DUT: variants seen among roughly 807,000 people sequenced by gnomAD.
DUT encodes the protein deoxyuridine triphosphatase.
In DUT, 21 loss-of-function variants were observed where a neutral mutation model predicts 28.8. The observed-to-expected ratio is 0.73, with a 90% CI of 0.52 to 1.05. DUT has a LOEUF of 1.05. DUT is among the 50% of genes least tolerant of loss of function. DUT has a pLI of 0.00. For missense variants in DUT, 344 were observed against 351.8 expected (o/e 0.98, Z 0.18); for synonymous variants, 147 against 143.7 (o/e 1.02, Z -0.17).
chr15:48,336,923 T>A (rs574033266), intron 4 of DUT, among the ~76,000 whole-genome samples: 1 of 152,340 alleles, frequency 6.6e-6, no homozygotes, highest in Admixed American at 6.5e-5. Flanking sequence ...GATTCCAGCC[T>A]CCTTGTTCTT....
Position 48,342,114 on chromosome 15 carries a change from CT to C in DUT, c.*41del. 7.1e-7 allele frequency: 1 copy of C among 1,405,982 alleles called. No homozygotes were observed. Among genetic ancestry groups the C allele is most frequent in the Non-Finnish European group, 9.5e-7 (1 of 1,053,810 alleles). The allele number at this position is 1,405,982 out of a possible 1,614,324, so 87.1% of individuals were successfully genotyped here. On this transcript the variant is annotated 3_prime_UTR_variant, in exon 7 of 7. Transcript: ENST00000331200. ...AAGAACAGAAAACAAGAAGTCATACCTTTTTCTTAAAAAAAAAAAAAAAGTT... is the reference window on the plus strand; with the variant it reads ...AAGAACAGAAAACAAGAAGTCATACCTTTTCTTAAAAAAAAAAAAAAAGTT...
chr15:48,341,989 A>T (rs1307843324), intron 6 of DUT, 33 bp from the exon 7 acceptor site: 4 of 1,543,528 alleles, frequency 2.6e-6, no homozygotes, highest in Non-Finnish European at 3.5e-6. Flanking sequence ...TCTTAAAAAA[A>T]ACTGTGAAGC....
chr15:48,332,283 C>T lies in DUT; in HGVS notation c.296C>T (p.Ser99Leu). ...TGCTCTGAAGAGACACCCGCCATTT[C>T]ACCCAGTAAGCGGGCCCGGCCTGCG... ...PAPGPETPAI[S>L]PSKRARPAEV... Residue 99 changes from serine to leucine, a missense_variant, in exon 2 of 7, where the codon TCA becomes TTA. By Grantham distance (145) the Ser-to-Leu change is moderately radical (BLOSUM62 -2). Coordinates refer to ENST00000331200, the MANE Select transcript of DUT (RefSeq NM_001025248.2). 6.2e-7 allele frequency: 1 copy of T among 1,609,068 alleles called. No individual in the cohort carries two copies. Among genetic ancestry groups the T allele is most frequent in the Non-Finnish European group, 8.5e-7 (1 of 1,178,514 alleles).
intron 2 of DUT, among the ~76,000 whole-genome samples, chr15:48,333,803 C>T (rs1295016754): frequency 6.6e-6 from 1 of 152,214 alleles, no homozygotes; most frequent in East Asian, 1.9e-4. Context: ...CTACCAAGCC[C>T]TGCCTGACAG....
Position 48,332,386 on chromosome 15 carries a change from C to A in DUT, c.399C>A (p.Ala133=), listed in dbSNP as rs2042427992. The change falls in exon 2 of 7, where the codon GCC becomes GCA. Residue 133 remains alanine, a synonymous_variant. Transcript: ENST00000331200. The stretch of plus-strand genomic sequence containing the variant: ...CCCCCACCCGGGGCTCCGCGCGCGC[C>A]GCGGGCTACGACCTGTACAGGTGAG... ...ATAPTRGSAR[A]AGYDLYSAYD... The A allele has an allele frequency of 6.3e-7, 1 of 1,580,112 alleles. No individual in the cohort carries two copies. The highest frequency in any genetic ancestry group is 8.6e-7 in the Non-Finnish European group (1 of 1,166,110).
intron 4 of DUT, among the ~76,000 whole-genome samples, chr15:48,339,716 A>G (rs555402714): frequency 6.6e-6 from 1 of 152,262 alleles, no homozygotes; most frequent in African/African-American, 2.4e-5. Context: ...CCGACAGGAG[A>G]TGAACTGCCT....
intron 4 of DUT, among the ~76,000 whole-genome samples, chr15:48,339,562 A>T (rs983294638): frequency 6.6e-6 from 1 of 152,178 alleles, no homozygotes; most frequent in Non-Finnish European, 1.5e-5. Context: ...TATAGATAAT[A>T]TGGAAAACAG....
At position 48,341,338 on chromosome 15, in the gene DUT, T is replaced by C. The variant is rs2042531409; in HGVS notation, c.606T>C (p.Phe202=). ...DYRGNVGVVL[F]NFGKEKFEVK... ...GAGGAAATGTTGGTGTTGTACTGTT[T>C]AATTTTGGCAAAGAAAAGTTTGAAG... Residue 202 remains phenylalanine, a synonymous_variant, in exon 5 of 7, where the codon TTT becomes TTC. Transcript: ENST00000331200. 1.2e-6 allele frequency: 2 copies of C among 1,611,400 alleles called. No homozygotes were observed. Among genetic ancestry groups the C allele is most frequent in the Non-Finnish European group, 8.5e-7 (1 of 1,178,242 alleles).
At position 48,334,529 on chromosome 15, in the gene DUT, G is replaced by A. The variant is rs565876267; in HGVS notation, c.511+21G>A. 4.7e-5 allele frequency: 72 copies of A among 1,530,136 alleles called. 1 individual carries two copies. In the South Asian group the frequency reaches 7.7e-4, roughly 16 times the overall value. The allele number at this position is 1,530,136 out of a possible 1,614,324, so 94.8% of individuals were successfully genotyped here. ...AGTGGGTAAGTCATTTAAGAAACAG[G>A]TAACTATTTGTCAAGTTCTCCTTTG... On this transcript the variant is annotated intron_variant, in intron 3 of 6. Coordinates refer to ENST00000331200, the MANE Select transcript of DUT (RefSeq NM_001025248.2).
At chr15:48,332,172 T>G in intron 1 of DUT, 96 bp from the exon 2 acceptor site, 1 of 1,458,704 alleles carries the variant, frequency 6.9e-7, no homozygotes, top group Non-Finnish European at 9.0e-7. Flanking sequence ...ATTTCGGTTT[T>G]GGCGCGCTCC....
At chr15:48,335,856 A>G (rs1424451839) in intron 3 of DUT, among the ~76,000 whole-genome samples, 190 bp from the exon 4 acceptor site, 2 of 152,194 alleles carry the variant, frequency 1.3e-5, no homozygotes, top group Admixed American at 1.3e-4. Flanking sequence ...AATTTTTCTA[A>G]ACTAGTCTTT....
At position 48,332,371 on chromosome 15, in the gene DUT, G is replaced by C. The variant is rs890852653; in HGVS notation, c.384G>C (p.Arg128=). 6.9e-6 allele frequency: 11 copies of C among 1,590,988 alleles called. No homozygotes were observed. In the African/African-American group the frequency reaches 1.5e-4, roughly 22 times the overall value. Residue 128 remains arginine (R), a synonymous_variant, in exon 2 of 7, where the codon CGG becomes CGC. Transcript: ENST00000331200. The part of the protein sequence containing the change: ...RLSEHATAPT[R]GSARAAGYDL... ...CCGAGCACGCCACGGCCCCCACCCG[G>C]GGCTCCGCGCGCGCCGCGGGCTACG... is the stretch of plus-strand genomic sequence containing the variant.
At chr15:48,333,469 T>G (rs2042441470) in intron 2 of DUT, among the ~76,000 whole-genome samples, 1 of 152,210 alleles carries the variant, frequency 6.6e-6, no homozygotes, top group Non-Finnish European at 1.5e-5. Context: ...ACAGGTGACT[T>G]TCTGTATACT....
At chr15:48,336,151 G>GT (rs1380394971) in intron 4 of DUT, 61 bp downstream of exon 4, 1 of 1,359,260 alleles carries the variant, frequency 7.4e-7, no homozygotes, top group Non-Finnish European at 1.0e-6. Context: ...TCTTTAAAAG[G>GT]TAATATTCAA....
At chr15:48,335,955 T>C in intron 3 of DUT, 91 bp from the exon 4 acceptor site, 1 of 950,416 alleles carries the variant, frequency 1.1e-6, no homozygotes, top group Non-Finnish European at 1.6e-6. Context: ...ATATTATAGG[T>C]GAAGAGAATG....
At position 48,331,441 on chromosome 15, in the gene DUT, G is replaced by T; in HGVS notation, c.-75G>T. The T allele has an allele frequency of 6.3e-7, 1 of 1,582,848 alleles. No homozygotes were observed. The highest frequency in any genetic ancestry group is 2.3e-5 in the East Asian group (1 of 42,988). On this transcript the variant is annotated 5_prime_UTR_variant, in exon 1 of 7. Transcript: ENST00000331200. ...CTTCCGAGGTCATGTTCCCAGGACG[G>T]GCGCGTCTTCAGGGTGGAAGCCTGG...
chr15:48,332,808 A>G (rs912226052), intron 2 of DUT: 1 of 469,860 alleles, frequency 2.1e-6, no homozygotes, highest in East Asian at 6.6e-5. Flanking sequence ...TTAAAAAGTT[A>G]TTTTCTATAC....
chr15:48,340,914 T>C (rs1413122430), intron 4 of DUT, among the ~76,000 whole-genome samples: 3 of 152,200 alleles, frequency 2.0e-5, no homozygotes, highest in Non-Finnish European at 2.9e-5. Context: ...ATCTGGGTAT[T>C]AGCGGGAAGC....
intron 2 of DUT, among the ~76,000 whole-genome samples, chr15:48,333,321 C>G (rs2042439857): frequency 6.6e-6 from 1 of 152,080 alleles, no homozygotes; most frequent in African/African-American, 2.4e-5. Flanking sequence ...GCTGGAAAAA[C>G]TACAGTCTCT....
Sources: allele counts gnomAD v4.1 joint callset (sites outside exome capture counted in the v4.1 genomes callset), GRCh38; gene constraint gnomAD v4.1.1; transcripts MANE v1.5; gene names NCBI Gene and HGNC (gene_info 2026-07-23, HGNC 2026-07-21).